The following DPH6 variants were observed in gnomAD, a reference collection of about 807,000 sequenced individuals.
DPH6 encodes the protein diphthamine biosynthesis 6.
A neutral mutation model predicts 38.2 loss-of-function variants in DPH6; 33 were observed. The ratio of observed to expected loss-of-function variants is 0.86; its 90% CI spans 0.65 to 1.15. The LOEUF (loss-of-function observed/expected upper bound fraction) is 1.15. DPH6 is among the 50% of genes most tolerant of loss of function. DPH6 has a pLI of 0.00. For missense variants in DPH6, 325 were observed against 320.0 expected, an observed-to-expected ratio of 1.02 and a Z score of -0.12; for synonymous variants, 108 against 103.0, an observed-to-expected ratio of 1.05 and a Z score of -0.30.
At chr15:35,222,805 T>C (rs901263845) in intron 3 of DPH6, among the ~76,000 whole-genome samples, 11 of 152,136 alleles carry the variant, frequency 7.2e-5, no homozygotes, top group African/African-American at 2.7e-4. Context: ...TCAATTTACA[T>C]TGCCAGGGTG....
chr15:35,532,228 C>A (rs1405884292), intron 3 of DPH6, among the ~76,000 whole-genome samples: 2 of 152,204 alleles, frequency 1.3e-5, no homozygotes, highest in African/African-American at 2.4e-5. Context: ...AAAGAGCCTT[C>A]TGTGTTAGCC....
intron 2 of DPH6, 103 bp from the exon 3 acceptor site, chr15:35,538,570 T>C (rs1301727151): frequency 5.9e-6 from 6 of 1,012,468 alleles, no homozygotes; most frequent in Non-Finnish European, 8.1e-6. Flanking sequence ...ACACAGAACT[T>C]GAAAGCTTGC....
chr15:35,242,667 A>G (rs1390721692), intron 3 of DPH6, among the ~76,000 whole-genome samples: 1 of 142,966 alleles, frequency 7.0e-6, no homozygotes, highest in East Asian at 2.2e-4. Context: ...ACCAACTTAA[A>G]AAGGACTGGA....
chr15:35,432,823 C>A (rs2053648858), intron 5 of DPH6, among the ~76,000 whole-genome samples: 1 of 151,912 alleles, frequency 6.6e-6, no homozygotes, highest in South Asian at 2.1e-4. Flanking sequence ...CACATGGACA[C>A]AAAGAGGGGA....
intron 3 of DPH6, among the ~76,000 whole-genome samples, chr15:35,242,972 T>C (rs182784787): frequency 0.078 from 11,142 of 142,030 alleles, 2,197 homozygotes; most frequent in African/African-American, 0.27. Flanking sequence ...CGTGCTATCC[T>C]CAAACTGCCA....
At chr15:35,454,953 T>C in intron 3 of DPH6, 133 bp from the exon 4 acceptor site, 1 of 577,162 alleles carries the variant, frequency 1.7e-6, no homozygotes, top group Non-Finnish European at 2.9e-6. Context: ...ACTGAAAATA[T>C]AATCGACATT....
chr15:35,353,245 T>C (rs2052530990), intron 3 of DPH6, among the ~76,000 whole-genome samples: 1 of 152,198 alleles, frequency 6.6e-6, no homozygotes, highest in Non-Finnish European at 1.5e-5. Flanking sequence ...TTCACTCTGA[T>C]GGTAGTTTCT....
At chr15:35,421,940 T>C (rs1226476382) in intron 5 of DPH6, among the ~76,000 whole-genome samples, 1 of 151,888 alleles carries the variant, frequency 6.6e-6, no homozygotes, top group Non-Finnish European at 1.5e-5. Context: ...GAGGATGTAA[T>C]AGACAAAGCA....
chr15:35,284,564 T>TTA (rs1419328297), intron 3 of DPH6, among the ~76,000 whole-genome samples: 1 of 150,722 alleles, frequency 6.6e-6, no homozygotes, highest in Non-Finnish European at 1.5e-5. Flanking sequence ...ACAATATAAA[T>TTA]TATATATATA....
intron 3 of DPH6, among the ~76,000 whole-genome samples, chr15:35,515,772 C>G (rs1461075150): frequency 6.7e-6 from 1 of 149,824 alleles, no homozygotes; most frequent in Admixed American, 6.6e-5. Context: ...GTGGCACTCA[C>G]CTGTAGTTCC....
At chr15:35,439,244 G>A (rs1319348889) in intron 5 of DPH6, among the ~76,000 whole-genome samples, 6 of 152,296 alleles carry the variant, frequency 3.9e-5, no homozygotes, top group Admixed American at 6.5e-5. Context: ...GAAAAACTGA[G>A]TAAGCTTTTT....
At chr15:35,539,980 C>T (rs1007357852) in intron 2 of DPH6, among the ~76,000 whole-genome samples, 1 of 152,020 alleles carries the variant, frequency 6.6e-6, no homozygotes, top group Admixed American at 6.6e-5. Context: ...AACCTTTCGG[C>T]CTTCTCTCGT....
chr15:35,239,215 G>A (rs1489337907), intron 3 of DPH6, among the ~76,000 whole-genome samples: 2 of 143,538 alleles, frequency 1.4e-5, no homozygotes, highest in African/African-American at 2.5e-5. Flanking sequence ...TCCGGTAAGC[G>A]GCCTCTTTTT....
At chr15:35,177,431 T>A in the DPH6 span, among the ~76,000 whole-genome samples, 2 of 120,706 alleles carry the variant, frequency 1.7e-5, no homozygotes, top group African/African-American at 2.7e-5. Context: ...ATAATAATAA[T>A]AAAAATTAGC....
intron 5 of DPH6, among the ~76,000 whole-genome samples, chr15:35,419,983 G>A (rs974444464): frequency 6.6e-6 from 1 of 152,114 alleles, no homozygotes; most frequent in Non-Finnish European, 1.5e-5. Flanking sequence ...CAACAGAAGA[G>A]AAATTCTTCT....
the DPH6 span, among the ~76,000 whole-genome samples, chr15:35,161,230 T>C: frequency 6.6e-6 from 1 of 152,018 alleles, no homozygotes; most frequent in Admixed American, 6.6e-5. Flanking sequence ...CTAGTATTCT[T>C]GTTGCCTCAG....
rs1334530812 is a variant in DPH6 at position 35,381,693 on chromosome 15, A to AT, written c.662+128dup. On this transcript the variant is annotated intron_variant, in intron 7 of 8. Transcript: ENST00000256538. ...AGATAACTTCACTGGTATTAAACAA[A>AT]TTGAGTGTTTGTGAACTTAGAAGAC... is the stretch of plus-strand genomic sequence containing the variant. 2.1e-5 allele frequency: 15 copies of AT among 713,752 alleles called. No individual in the cohort carries two copies. The East Asian group carries it at 4.0e-4, about 19-fold the overall frequency. The allele number at this position is 713,752 out of a possible 1,614,324, so 44.2% of individuals were successfully genotyped here. A position where few individuals can be genotyped will look rare whatever the true frequency, so the allele number is the denominator to read the frequency against.
intron 3 of DPH6, among the ~76,000 whole-genome samples, chr15:35,324,573 T>C (rs1418628342): frequency 6.6e-6 from 1 of 152,170 alleles, no homozygotes; most frequent in Non-Finnish European, 1.5e-5. Flanking sequence ...ACAGCTCTTA[T>C]ATTTGGAGCC....
At chr15:35,486,868 C>T (rs983009016) in intron 3 of DPH6, among the ~76,000 whole-genome samples, 3 of 152,136 alleles carry the variant, frequency 2.0e-5, no homozygotes, top group African/African-American at 7.2e-5. Flanking sequence ...AAATAAAATA[C>T]AAATTAGTTA....
Sources: allele counts gnomAD v4.1 joint callset (sites outside exome capture counted in the v4.1 genomes callset), GRCh38; gene constraint gnomAD v4.1.1; transcripts MANE v1.5; gene names NCBI Gene and HGNC (gene_info 2026-07-23, HGNC 2026-07-21).